Variants in PHF20 observed in about 807,000 individuals in gnomAD.
PHF20 encodes the protein glioma-expressed antigen 2.
PHF20 carries 23 observed loss-of-function variants against 113.5 expected under a neutral mutation model. The observed-to-expected ratio is 0.20, with a 90% CI of 0.15 to 0.29. The LOEUF is 0.29. PHF20 is among the 10% of genes least tolerant of loss of function. The pLI is 1.00. For missense variants in PHF20, 943 were observed against 1,219.6 expected (o/e 0.77, Z 3.38); for synonymous variants, 434 against 457.3 (o/e 0.95, Z 0.65).
At chr20:35,919,380 C>T (rs555241756) in intron 13 of PHF20, among the ~76,000 whole-genome samples, 1 of 149,058 alleles carries the variant, frequency 6.7e-6, no homozygotes, top group East Asian at 2.0e-4. Context: ...CCCTCTGTCA[C>T]CCAGGCTGGA....
intron 13 of PHF20, among the ~76,000 whole-genome samples, chr20:35,925,605 T>C (rs541477948): frequency 1.3e-5 from 2 of 152,054 alleles, no homozygotes; most frequent in East Asian, 3.9e-4. Context: ...CCAAGGATAA[T>C]TGATATCCAT....
At chr20:35,786,988 GTTTTTTTTTTT>G (rs954417364) in intron 1 of PHF20, among the ~76,000 whole-genome samples, 2 of 128,628 alleles carry the variant, frequency 1.6e-5, no homozygotes, top group African/African-American at 5.7e-5. Flanking sequence ...TCTCTTTCCT[GTTTTTTTTTTT>G]TTTTTTTGGA....
intron 2 of PHF20, among the ~76,000 whole-genome samples, chr20:35,835,543 T>G (rs2042424986): frequency 1.3e-5 from 2 of 152,186 alleles, no homozygotes. Flanking sequence ...AGTAGAGACT[T>G]ATTAAATGAA....
intron 17 of PHF20, among the ~76,000 whole-genome samples, chr20:35,943,310 G>C (rs1230824202): frequency 6.6e-6 from 1 of 151,872 alleles, no homozygotes; most frequent in African/African-American, 2.4e-5. Context: ...CTGCACTCCA[G>C]ACTGGGCAAC....
intron 2 of PHF20, among the ~76,000 whole-genome samples, chr20:35,811,917 C>T (rs2041985021): frequency 6.6e-6 from 1 of 151,416 alleles, no homozygotes; most frequent in African/African-American, 2.4e-5. Context: ...ACTACAGGCA[C>T]CCGCCACCAC....
intron 1 of PHF20, among the ~76,000 whole-genome samples, chr20:35,777,450 G>C (rs1201213638): frequency 6.6e-6 from 1 of 152,192 alleles, no homozygotes; most frequent in African/African-American, 2.4e-5. Flanking sequence ...ATGTCTTCCT[G>C]GATTGTAAAG....
At chr20:35,772,111 C>CGGGCCGGGTT (rs1208708606) in intron 1 of PHF20, 32 bp downstream of exon 1, 8 of 149,834 alleles carry the variant, frequency 5.3e-5, no homozygotes, top group Non-Finnish European at 7.4e-5. Flanking sequence ...GCCGGCCGGC[C>CGGGCCGGGTT]GGGCCGGGTT....
intron 13 of PHF20, among the ~76,000 whole-genome samples, chr20:35,920,952 A>C (rs1327743173): frequency 6.6e-6 from 1 of 152,226 alleles, no homozygotes; most frequent in East Asian, 1.9e-4. Context: ...TAACAGCAAT[A>C]GTTTTGAAAG....
intron 10 of PHF20, among the ~76,000 whole-genome samples, chr20:35,905,504 C>T (rs2055187430): frequency 6.6e-6 from 1 of 152,126 alleles, no homozygotes; most frequent in African/African-American, 2.4e-5. Context: ...CCCCCTATCC[C>T]CCCATGTGAG....
chr20:35,918,088 C>A (rs1452773946), intron 13 of PHF20, among the ~76,000 whole-genome samples: 3 of 152,108 alleles, frequency 2.0e-5, no homozygotes, highest in Admixed American at 1.3e-4. Flanking sequence ...TTCTATGTTT[C>A]TTTTTCTTTA....
Position 35,947,349 on chromosome 20 carries a change from TG to T in PHF20, c.2897-135del. On this transcript the variant is annotated intron_variant, in intron 17 of 17. Coordinates refer to ENST00000374012, the MANE Select transcript of PHF20 (RefSeq NM_016436.5). ...CTGGCTGAAATGGCCCTTCCTCCCT[TG>T]CCCCATGGAGGCTGAAATGGCCCTT... The T allele has an allele frequency of 6.5e-6, 5 of 774,180 alleles. No homozygotes were observed. In the South Asian group the frequency reaches 9.2e-5, roughly 14 times the overall value. The allele number at this position is 774,180 out of a possible 1,614,324, so 48.0% of individuals were successfully genotyped here.
At chr20:35,871,526 C>A in intron 8 of PHF20, 124 bp from the exon 9 acceptor site, 1 of 740,618 alleles carries the variant, frequency 1.4e-6, no homozygotes, top group Non-Finnish European at 2.1e-6. Context: ...TGAATGTATG[C>A]TTTTATGTTT....
intron 2 of PHF20, among the ~76,000 whole-genome samples, chr20:35,822,476 T>C (rs1157778053): frequency 6.7e-6 from 1 of 149,470 alleles, no homozygotes; most frequent in Non-Finnish European, 1.5e-5. Flanking sequence ...AATGAGTAAA[T>C]GGGATTAAAA....
At chr20:35,867,687 G>T (rs1286576364) in intron 6 of PHF20, among the ~76,000 whole-genome samples, 2 of 152,098 alleles carry the variant, frequency 1.3e-5, no homozygotes, top group African/African-American at 2.4e-5. Flanking sequence ...GTCTTCTCTG[G>T]TTTGCTTCCT....
chr20:35,876,495 T>C (rs1257758544), intron 9 of PHF20, among the ~76,000 whole-genome samples: 1 of 151,710 alleles, frequency 6.6e-6, no homozygotes, highest in Non-Finnish European at 1.5e-5. Context: ...TGCTTGAACC[T>C]GGGAGGTGGA....
intron 17 of PHF20, among the ~76,000 whole-genome samples, chr20:35,941,899 G>A (rs2055986925): frequency 1.3e-5 from 2 of 152,194 alleles, no homozygotes; most frequent in African/African-American, 4.8e-5. Context: ...TGAGACTGAA[G>A]TTGAGCTTTA....
At chr20:35,848,551 G>A (rs1354240145) in intron 4 of PHF20, among the ~76,000 whole-genome samples, 2 of 151,954 alleles carry the variant, frequency 1.3e-5, no homozygotes, top group South Asian at 2.1e-4. Context: ...ATGCCCAGCC[G>A]CAACTTTTTA....
intron 2 of PHF20, among the ~76,000 whole-genome samples, chr20:35,824,303 C>T (rs888711278): frequency 6.6e-6 from 1 of 151,790 alleles, no homozygotes; most frequent in African/African-American, 2.4e-5. Flanking sequence ...ATATAGTTTA[C>T]ATGTTATAAA....
At chr20:35,781,304 C>G (rs984146331) in intron 1 of PHF20, among the ~76,000 whole-genome samples, 1 of 151,568 alleles carries the variant, frequency 6.6e-6, no homozygotes, top group Non-Finnish European at 1.5e-5. Context: ...CCACCACATC[C>G]GGCTAATTTT....
Sources: gnomAD v4.1 joint callset for allele counts (sites outside exome capture counted in the v4.1 genomes callset) on GRCh38, gnomAD v4.1.1 for gene constraint, MANE v1.5 for transcripts, NCBI Gene and HGNC (gene_info 2026-07-23, HGNC 2026-07-21) for gene names.